ADAMTS19: variants seen among roughly 807,000 people sequenced by gnomAD.
ADAMTS19 encodes A disintegrin and metalloproteinase with thrombospondin motifs 19.
In ADAMTS19, 93 loss-of-function variants were observed where a neutral mutation model predicts 153.3. That is an observed-to-expected ratio of 0.61 (90% CI 0.51 to 0.72). ADAMTS19 has a LOEUF of 0.72. ADAMTS19 is among the 30% of genes least tolerant of loss of function. The pLI, the probability that ADAMTS19 is intolerant of heterozygous loss-of-function variation, is 0.00. For synonymous variants in ADAMTS19, 600 were observed against 556.6 expected, an observed-to-expected ratio of 1.08 and a Z score of -1.10; for missense variants, 1,482 against 1,552.1, an observed-to-expected ratio of 0.95 and a Z score of 0.76.
In ADAMTS19 at chr5:129,654,338, G is replaced by A; in HGVS notation, c.2209G>A (p.Gly737Arg). 1.2e-6 allele frequency: 2 copies of A among 1,612,214 alleles called. No individual in the cohort carries two copies. The highest frequency in any genetic ancestry group is 1.7e-6 in the Non-Finnish European group (2 of 1,179,500). ...ATGTGCCTTGTTTTGCTCTCCTGTT[G>A]GAAAAGAACAGCCTATTCTTCTATC... Reference protein sequence around the residue: ...KPCALFCSPVGKEQPILLSEK... With the variant: ...KPCALFCSPVRKEQPILLSEK... Residue 737 changes from glycine to arginine, a missense_variant, in exon 14 of 23, where the codon GGA becomes AGA. By Grantham distance (125) the Gly-to-Arg change is moderately radical. Transcript: ENST00000274487.
intron 6 of ADAMTS19, among the ~76,000 whole-genome samples, chr5:129,534,537 A>C (rs1394898494): frequency 1.3e-5 from 2 of 152,182 alleles, no homozygotes; most frequent in African/African-American, 4.8e-5. Flanking sequence ...TATTCCAATC[A>C]ATAGAAAAAG....
At chr5:129,708,869 G>C (rs910732807) in intron 21 of ADAMTS19, among the ~76,000 whole-genome samples, 106 of 152,184 alleles carry the variant, frequency 7.0e-4, no homozygotes, top group African/African-American at 2.5e-3. Context: ...CATATTAACA[G>C]ATATTTGGAC....
intron 21 of ADAMTS19, among the ~76,000 whole-genome samples, chr5:129,706,403 C>G (rs1472993218): frequency 6.6e-6 from 1 of 152,024 alleles, no homozygotes; most frequent in Non-Finnish European, 1.5e-5. Context: ...AACCCCGTCT[C>G]TACTGAAAAT....
chr5:129,476,792 C>T (rs1384279814), intron 2 of ADAMTS19, among the ~76,000 whole-genome samples: 1 of 152,000 alleles, frequency 6.6e-6, no homozygotes, highest in African/African-American at 2.4e-5. Flanking sequence ...GATAGAAATG[C>T]TGTATTTAGT....
At chr5:129,577,647 T>C (rs919555471) in intron 7 of ADAMTS19, among the ~76,000 whole-genome samples, 1 of 152,152 alleles carries the variant, frequency 6.6e-6, no homozygotes, top group Non-Finnish European at 1.5e-5. Flanking sequence ...GTAACGATGC[T>C]TGCTCACATT....
intron 21 of ADAMTS19, among the ~76,000 whole-genome samples, chr5:129,725,855 A>T (rs1171625634): frequency 6.6e-6 from 1 of 152,074 alleles, no homozygotes; most frequent in African/African-American, 2.4e-5. Context: ...GGGACTTAGA[A>T]TTTTATTGTT....
intron 15 of ADAMTS19, among the ~76,000 whole-genome samples, chr5:129,663,477 AGAT>A (rs1455216532): frequency 6.6e-6 from 1 of 152,232 alleles, no homozygotes; most frequent in Non-Finnish European, 1.5e-5. Context: ...TACCAAAACT[AGAT>A]GATTTCTCTC....
intron 8 of ADAMTS19, among the ~76,000 whole-genome samples, chr5:129,597,679 G>A (rs939417472): frequency 2.0e-5 from 3 of 152,008 alleles, no homozygotes; most frequent in African/African-American, 7.2e-5. Flanking sequence ...GGCCGAGGTG[G>A]GCGGATCACG....
chr5:129,609,751 A>G (rs1751105089), intron 8 of ADAMTS19, among the ~76,000 whole-genome samples: 1 of 152,188 alleles, frequency 6.6e-6, no homozygotes, highest in African/African-American at 2.4e-5. Context: ...AGTTAGTGGA[A>G]GACGGAAAAA....
At chr5:129,539,644 C>T (rs562596156) in intron 6 of ADAMTS19, among the ~76,000 whole-genome samples, 29 of 152,162 alleles carry the variant, frequency 1.9e-4, no homozygotes, top group Middle Eastern at 3.4e-3. Context: ...CTAATTTATT[C>T]AACTACTTAT....
At chr5:129,578,572 TC>T (rs1484295914) in intron 7 of ADAMTS19, among the ~76,000 whole-genome samples, 3 of 151,860 alleles carry the variant, frequency 2.0e-5, no homozygotes, top group African/African-American at 7.3e-5. Flanking sequence ...GTTAGGTATT[TC>T]TCCTTATGCT....
chr5:129,716,014 G>A (rs1255413025), intron 21 of ADAMTS19, among the ~76,000 whole-genome samples: 2 of 151,954 alleles, frequency 1.3e-5, no homozygotes, highest in Non-Finnish European at 2.9e-5. Flanking sequence ...GTTATTCAGA[G>A]GAGCAAGAGA....
chr5:129,666,056 A>C (rs1298136757), intron 16 of ADAMTS19, among the ~76,000 whole-genome samples: 1 of 151,280 alleles, frequency 6.6e-6, no homozygotes, highest in Non-Finnish European at 1.5e-5. Context: ...ATACTAAAGG[A>C]CTTGATTTTT....
chr5:129,471,691 C>T (rs1340634724), intron 2 of ADAMTS19, among the ~76,000 whole-genome samples: 1 of 151,976 alleles, frequency 6.6e-6, no homozygotes, highest in Non-Finnish European at 1.5e-5. Flanking sequence ...TTTTTCTTAT[C>T]CTTTCCCTCC....
chr5:129,466,451 T>A (rs1376809424), intron 2 of ADAMTS19, among the ~76,000 whole-genome samples: 1 of 150,758 alleles, frequency 6.6e-6, no homozygotes, highest in Non-Finnish European at 1.5e-5. Context: ...ATGGAAAAAA[T>A]AAATTAAAAA....
intron 2 of ADAMTS19, among the ~76,000 whole-genome samples, chr5:129,482,069 A>C (rs1178489213): frequency 2.0e-5 from 3 of 152,196 alleles, no homozygotes; most frequent in Non-Finnish European, 4.4e-5. Flanking sequence ...TTTCCCAAAA[A>C]ATAGTTTCAG....
chr5:129,502,465 A>G (rs778298048), intron 2 of ADAMTS19, among the ~76,000 whole-genome samples: 9 of 152,180 alleles, frequency 5.9e-5, no homozygotes, highest in Non-Finnish European at 1.0e-4. Flanking sequence ...CAATATTTCT[A>G]AGGATTGATT....
chr5:129,627,633 G>T lies in ADAMTS19; in HGVS notation c.1770+5285G>T, dbSNP rs575047650. The stretch of plus-strand genomic sequence containing the variant: ...AAAAACCGACCCCATTAAAAAGTGG[G>T]CAAAGAACAAGAACCGACACTTTCC... On this transcript the variant is annotated intron_variant, in intron 10 of 22. Transcript: ENST00000274487. 2.8e-4 allele frequency among the ~76,000 whole-genome samples: 42 copies of T among 151,826 alleles called. No individual in the cohort carries two copies. The South Asian group carries it at 4.6e-3, about 17-fold the overall frequency.
intron 6 of ADAMTS19, among the ~76,000 whole-genome samples, chr5:129,529,681 C>G (rs1009427216): frequency 1.3e-5 from 2 of 152,094 alleles, no homozygotes; most frequent in African/African-American, 2.4e-5. Context: ...AAGCTAGAAT[C>G]TAGGTAGAGC....
Sources: allele counts gnomAD v4.1 joint callset (sites outside exome capture counted in the v4.1 genomes callset), GRCh38; gene constraint gnomAD v4.1.1; transcripts MANE v1.5; gene names NCBI Gene and HGNC (gene_info 2026-07-23, HGNC 2026-07-21).